MRPL48: variants seen among roughly 807,000 people sequenced by gnomAD.
The protein encoded by MRPL48 is mitochondrial ribosomal protein L48, also known as large ribosomal subunit protein mL48.
MRPL48 carries 16 observed loss-of-function variants against 32.9 expected under a neutral mutation model. That is an observed-to-expected ratio of 0.49 (90% confidence interval 0.33 to 0.74). The LOEUF (loss-of-function observed/expected upper bound fraction) is 0.74, where lower values mean the gene tolerates loss of function less well. Ranked by LOEUF, MRPL48 falls within the 30% of genes least tolerant of loss-of-function variation. The pLI, the probability that MRPL48 is intolerant of heterozygous loss-of-function variation, is 0.02. For synonymous variants in MRPL48, 94 were observed against 89.2 expected (o/e 1.05, Z -0.31); for missense variants, 206 against 245.3 (o/e 0.84, Z 1.07).
intron 1 of MRPL48, among the ~76,000 whole-genome samples, chr11:73,797,491 C>A (rs1003222972): frequency 6.6e-6 from 1 of 152,202 alleles, no homozygotes; most frequent in African/African-American, 2.4e-5. Flanking sequence ...CTCCTTGGAG[C>A]CCTGTGGTTG....
At chr11:73,851,100 T>C in intron 5 of MRPL48, 1 of 491,564 alleles carries the variant, frequency 2.0e-6, no homozygotes, top group Non-Finnish European at 4.1e-6. Flanking sequence ...AGAACCTTAG[T>C]GTTTAATTTA....
At chr11:73,860,165 C>A in intron 6 of MRPL48, 156 bp downstream of exon 6, 1 of 590,512 alleles carries the variant, frequency 1.7e-6, no homozygotes, top group Non-Finnish European at 2.9e-6. Context: ...TTTTATAATA[C>A]CTTCCCCCTA....
intron 1 of MRPL48, among the ~76,000 whole-genome samples, chr11:73,800,257 T>A (rs1947334271): frequency 6.6e-6 from 1 of 151,708 alleles, no homozygotes; most frequent in Admixed American, 6.6e-5. Context: ...AAAAAAAAAT[T>A]AAAAAGACAA....
chr11:73,807,460 T>G (rs1167352128), intron 2 of MRPL48, among the ~76,000 whole-genome samples: 2 of 151,530 alleles, frequency 1.3e-5, no homozygotes, highest in Non-Finnish European at 2.9e-5. Context: ...TCTTAATCAG[T>G]CAACTACTAT....
intron 5 of MRPL48, among the ~76,000 whole-genome samples, chr11:73,856,808 C>T (rs55850940): frequency 0.056 from 8,582 of 152,146 alleles, 267 homozygotes; most frequent in Middle Eastern, 0.11. Flanking sequence ...AATTAAATTC[C>T]TTCATTTATT....
intron 3 of MRPL48, among the ~76,000 whole-genome samples, chr11:73,811,937 G>T (rs1418244751): frequency 6.6e-6 from 1 of 152,076 alleles, no homozygotes; most frequent in Non-Finnish European, 1.5e-5. Context: ...GCCCAGACAA[G>T]TGCAATGGCG....
At chr11:73,848,488 AT>A (rs56364963) in intron 5 of MRPL48, among the ~76,000 whole-genome samples, 2 of 144,942 alleles carry the variant, frequency 1.4e-5, no homozygotes, top group Non-Finnish European at 1.5e-5. Context: ...GTCCGATGGG[AT>A]TTTTTTTTTT....
chr11:73,831,437 GT>G (rs1230327723), intron 4 of MRPL48, among the ~76,000 whole-genome samples: 1 of 152,036 alleles, frequency 6.6e-6, no homozygotes, highest in Non-Finnish European at 1.5e-5. Flanking sequence ...TCTTTCCTTT[GT>G]ATGGGATGAT....
chr11:73,840,320 T>G (rs1460872601), intron 4 of MRPL48, among the ~76,000 whole-genome samples: 1 of 151,980 alleles, frequency 6.6e-6, no homozygotes, highest in Non-Finnish European at 1.5e-5. Flanking sequence ...TGGAAAAACC[T>G]TGTCTCTATA....
intron 3 of MRPL48, among the ~76,000 whole-genome samples, chr11:73,809,220 A>G (rs1160963269): frequency 3.3e-4 from 40 of 119,764 alleles, no homozygotes; most frequent in Admixed American, 3.1e-3. Context: ...GACAAAAGAT[A>G]TAAAGTGCTT....
chr11:73,788,475 T>TC (rs1322645028), intron 1 of MRPL48, among the ~76,000 whole-genome samples: 9 of 105,714 alleles, frequency 8.5e-5, no homozygotes, highest in East Asian at 5.1e-4. Flanking sequence ...TTTCTTTCTT[T>TC]TTTTTTTTTT....
intron 3 of MRPL48, among the ~76,000 whole-genome samples, chr11:73,813,941 G>A (rs1346762182): frequency 4.0e-5 from 6 of 151,542 alleles, no homozygotes; most frequent in South Asian, 4.2e-4. Context: ...CTCCAGAGGC[G>A]GAGGCAGGGG....
intron 4 of MRPL48, among the ~76,000 whole-genome samples, chr11:73,834,597 G>A (rs1408986786): frequency 1.3e-5 from 2 of 150,418 alleles, no homozygotes; most frequent in African/African-American, 4.9e-5. Context: ...GCAGCGGCGC[G>A]ATCTCGGCTC....
chr11:73,796,554 C>A (rs781764656), intron 1 of MRPL48, among the ~76,000 whole-genome samples: 1 of 152,246 alleles, frequency 6.6e-6, no homozygotes, highest in South Asian at 2.1e-4. Flanking sequence ...TTGGCACCTA[C>A]AGGGCACTAT....
rs373488392 is a variant in MRPL48 at position 73,787,941 on chromosome 11, T to C, written c.-31T>C. ...CGGCTGCAGGGTCCGGTCTTCGGTT[T>C]GCACAGCTAGAGGCCGCGCAGCAGC... On this transcript the variant is annotated 5_prime_UTR_variant, in exon 1 of 8. Transcript: ENST00000310614. The C allele has an allele frequency of 6.2e-7, 1 of 1,610,438 alleles. No individual in the cohort carries two copies. The highest frequency in any genetic ancestry group is 8.5e-7 in the Non-Finnish European group (1 of 1,177,902).
chr11:73,809,727 G>T (rs1320925152), intron 3 of MRPL48, among the ~76,000 whole-genome samples: 1 of 152,080 alleles, frequency 6.6e-6, no homozygotes, highest in Non-Finnish European at 1.5e-5. Flanking sequence ...TGTCTATTAT[G>T]TGAGAAATTT....
chr11:73,835,663 C>T (rs562482143), intron 4 of MRPL48, among the ~76,000 whole-genome samples: 4 of 152,194 alleles, frequency 2.6e-5, no homozygotes, highest in African/African-American at 7.2e-5. Flanking sequence ...TTTTGGGAGG[C>T]GGAGGCTGGT....
At chr11:73,849,485 T>C (rs1435310511) in intron 5 of MRPL48, among the ~76,000 whole-genome samples, 1 of 152,244 alleles carries the variant, frequency 6.6e-6, no homozygotes, top group Non-Finnish European at 1.5e-5. Context: ...TTTTTCAGAA[T>C]TCCATACAAA....
chr11:73,834,038 G>T (rs1948044308), intron 4 of MRPL48, among the ~76,000 whole-genome samples: 1 of 151,918 alleles, frequency 6.6e-6, no homozygotes, highest in African/African-American at 2.4e-5. Context: ...TTGTAAAGAT[G>T]GGGTTTCACC....
Sources: gnomAD v4.1 joint callset for allele counts (sites outside exome capture counted in the v4.1 genomes callset) on GRCh38, gnomAD v4.1.1 for gene constraint, MANE v1.5 for transcripts, NCBI Gene and HGNC (gene_info 2026-07-23, HGNC 2026-07-21) for gene names.